LTBP1: variants seen among roughly 807,000 people sequenced by gnomAD.
LTBP1 encodes latent transforming growth factor beta binding protein 1, also known as latent-transforming growth factor beta-binding protein 1.
LTBP1 carries 129 observed loss-of-function variants against 207.6 expected under a neutral mutation model. The ratio of observed to expected loss-of-function variants is 0.62; its 90% CI spans 0.54 to 0.72. The LOEUF (loss-of-function observed/expected upper bound fraction) is 0.72. Ranked by LOEUF, LTBP1 falls within the 30% of genes least tolerant of loss-of-function variation. LTBP1 has a pLI of 0.00. For synonymous variants in LTBP1, 963 were observed against 833.7 expected (o/e 1.16, Z -2.67); for missense variants, 2,281 against 2,217.2 (o/e 1.03, Z -0.58).
At chr2:32,959,442 T>G (rs1678642386) in intron 2 of LTBP1, among the ~76,000 whole-genome samples, 1 of 151,856 alleles carries the variant, frequency 6.6e-6, no homozygotes, top group Non-Finnish European at 1.5e-5. Context: ...AAGGATCTTT[T>G]GTCTTTGTAA....
chr2:33,142,301 C>T (rs879689137), intron 5 of LTBP1, among the ~76,000 whole-genome samples: 10 of 152,066 alleles, frequency 6.6e-5, no homozygotes, highest in Admixed American at 1.3e-4. Flanking sequence ...GTGATCCGCC[C>T]GCCTCGGCCT....
chr2:33,243,562 A>G, intron 9 of LTBP1, 100 bp from the exon 10 acceptor site: 1 of 1,081,244 alleles, frequency 9.2e-7, no homozygotes, highest in Non-Finnish European at 1.3e-6. Flanking sequence ...ACTATAACTA[A>G]AAGATTACTA....
intron 22 of LTBP1, among the ~76,000 whole-genome samples, chr2:33,305,671 C>G (rs895044201): frequency 6.6e-6 from 1 of 152,024 alleles, no homozygotes; most frequent in Non-Finnish European, 1.5e-5. Context: ...GAGTTCTAGG[C>G]CATGAAATTA....
intron 3 of LTBP1, among the ~76,000 whole-genome samples, chr2:33,078,602 A>G (rs569197065): frequency 1.3e-5 from 2 of 152,218 alleles, no homozygotes; most frequent in East Asian, 1.9e-4. Context: ...TCAAATAAGA[A>G]GCATACAATA....
intron 7 of LTBP1, among the ~76,000 whole-genome samples, chr2:33,192,198 T>G (rs2087972579): frequency 6.6e-6 from 1 of 152,150 alleles, no homozygotes; most frequent in Admixed American, 6.5e-5. Flanking sequence ...TTAAGCCTCT[T>G]AAATCTGAGG....
chr2:33,118,204 C>A (rs201942146), intron 4 of LTBP1, among the ~76,000 whole-genome samples: 1,532 of 130,710 alleles, frequency 0.012, 18 homozygotes, highest in East Asian at 0.016. Context: ...AAAAAAAAAA[C>A]AAAAAAAAAA....
intron 24 of LTBP1, among the ~76,000 whole-genome samples, chr2:33,323,822 AG>A (rs2094390409): frequency 6.6e-6 from 1 of 152,174 alleles, no homozygotes; most frequent in Non-Finnish European, 1.5e-5. Context: ...ACTTCTGTGA[AG>A]CCTTCCCTAT....
intron 26 of LTBP1, among the ~76,000 whole-genome samples, chr2:33,358,899 G>A (rs1036537056): frequency 3.9e-5 from 6 of 152,102 alleles, no homozygotes; most frequent in African/African-American, 1.4e-4. Flanking sequence ...GAGCTTGGAG[G>A]CCCTTCTAAC....
intron 3 of LTBP1, among the ~76,000 whole-genome samples, chr2:33,050,972 C>G (rs2076707758): frequency 6.6e-6 from 1 of 152,124 alleles, no homozygotes; most frequent in African/African-American, 2.4e-5. Flanking sequence ...ATCCACCCAC[C>G]TTGGCCTCCC....
In LTBP1 at chr2:33,378,183, ATATGTGTGTGTG is replaced by A. The variant is rs1441567086; in HGVS notation, c.4712-10999_4712-10988del. Among the ~76,000 whole-genome samples the A allele has an allele frequency of 1.9e-4, 26 of 136,446 alleles. 1 individual carries two copies. Among genetic ancestry groups the A allele is most frequent in the East Asian group, 1.3e-3 (6 of 4,686 alleles). 89.5% of individuals were successfully genotyped at this position (136,446 alleles called of 152,430 possible). A position where few individuals can be genotyped will look rare whatever the true frequency, so the allele number is the denominator to read the frequency against. On this transcript the variant is annotated intron_variant, in intron 31 of 33. Transcript: ENST00000404816. ...GAACATTTTACTTTCATATATATAT[ATATGTGTGTGTG>A]TGTGTGTGTGTGTGTGTGTGTGTGT...
At chr2:33,353,794 T>C (rs932125827) in intron 26 of LTBP1, among the ~76,000 whole-genome samples, 4 of 151,672 alleles carry the variant, frequency 2.6e-5, no homozygotes, top group African/African-American at 7.3e-5. Context: ...GTTCTGACAA[T>C]TGAACTCAAA....
intron 3 of LTBP1, among the ~76,000 whole-genome samples, chr2:33,039,100 G>A (rs999258080): frequency 2.0e-5 from 3 of 152,188 alleles, no homozygotes; most frequent in Non-Finnish European, 4.4e-5. Context: ...ACATGTACTC[G>A]AAGAGTACTG....
chr2:33,331,483 A>T (rs930942440), intron 24 of LTBP1, among the ~76,000 whole-genome samples: 5 of 152,100 alleles, frequency 3.3e-5, no homozygotes, highest in Non-Finnish European at 5.9e-5. Flanking sequence ...AATTATTTAG[A>T]AGTATTTCAC....
intron 7 of LTBP1, among the ~76,000 whole-genome samples, chr2:33,206,167 A>C (rs1210237551): frequency 6.6e-6 from 1 of 152,192 alleles, no homozygotes; most frequent in Non-Finnish European, 1.5e-5. Context: ...TGGACAAGAC[A>C]GACATGGTTC....
chr2:33,157,582 C>T (rs1480137077), intron 5 of LTBP1, among the ~76,000 whole-genome samples: 1 of 152,186 alleles, frequency 6.6e-6, no homozygotes, highest in Non-Finnish European at 1.5e-5. Context: ...GATGCAGACC[C>T]AGGCTTCTGA....
intron 2 of LTBP1, among the ~76,000 whole-genome samples, chr2:32,992,353 A>G (rs12476061): frequency 0.28 from 42,261 of 152,104 alleles, 6,137 homozygotes; most frequent in Admixed American, 0.33. Flanking sequence ...ATAGGCAGGT[A>G]GGATATTTTT....
intron 2 of LTBP1, among the ~76,000 whole-genome samples, chr2:33,015,321 CA>C (rs1033458725): frequency 6.6e-6 from 1 of 152,156 alleles, no homozygotes; most frequent in Non-Finnish European, 1.5e-5. Flanking sequence ...GAATAAATCG[CA>C]AATCAAGTCT....
intron 5 of LTBP1, among the ~76,000 whole-genome samples, chr2:33,141,734 A>G (rs1208465446): frequency 6.6e-6 from 1 of 152,212 alleles, no homozygotes; most frequent in African/African-American, 2.4e-5. Context: ...TTACATTGTC[A>G]TCAGACTCTG....
intron 31 of LTBP1, among the ~76,000 whole-genome samples, chr2:33,368,032 C>T (rs759927079): frequency 6.6e-6 from 1 of 151,998 alleles, no homozygotes; most frequent in Non-Finnish European, 1.5e-5. Flanking sequence ...CTGGCTAACA[C>T]AGTGAAACCC....
Sources: allele counts gnomAD v4.1 joint callset (sites outside exome capture counted in the v4.1 genomes callset), GRCh38; gene constraint gnomAD v4.1.1; transcripts MANE v1.5; gene names NCBI Gene and HGNC (gene_info 2026-07-23, HGNC 2026-07-21).